The following ANKRD55 variants were observed in gnomAD, a reference collection of about 807,000 sequenced individuals.
The protein encoded by ANKRD55 is ankyrin repeat domain-containing protein 55.
A neutral mutation model predicts 60.6 loss-of-function variants in ANKRD55; 41 were observed. The ratio of observed to expected loss-of-function variants is 0.68; its 90% CI spans 0.53 to 0.88. The LOEUF (loss-of-function observed/expected upper bound fraction) is 0.88. Ranked by LOEUF, ANKRD55 falls within the 40% of genes least tolerant of loss-of-function variation. The pLI, the probability that ANKRD55 is intolerant of heterozygous loss-of-function variation, is 0.00. For missense variants in ANKRD55, 732 were observed against 767.6 expected, an observed-to-expected ratio of 0.95 and a Z score of 0.55; for synonymous variants, 264 against 290.3, an observed-to-expected ratio of 0.91 and a Z score of 0.92.
At chr5:56,125,012 C>T (rs1282201833) in intron 8 of ANKRD55, among the ~76,000 whole-genome samples, 1 of 151,968 alleles carries the variant, frequency 6.6e-6, no homozygotes, top group Admixed American at 6.6e-5. Context: ...CTTTTTTCCC[C>T]TTAGTTTTAC....
At chr5:56,176,314 A>G in intron 3 of ANKRD55, 32 bp from the exon 4 acceptor site, 1 of 1,613,710 alleles carries the variant, frequency 6.2e-7, no homozygotes, top group Non-Finnish European at 8.5e-7. Context: ...GCCTTTAAAC[A>G]TGTGTGACCC....
chr5:56,149,689 G>C (rs574870929), intron 6 of ANKRD55, among the ~76,000 whole-genome samples: 2 of 152,114 alleles, frequency 1.3e-5, no homozygotes, highest in South Asian at 2.1e-4. Flanking sequence ...GATCACCTTG[G>C]GAGGCTATAC....
At chr5:56,215,079 G>T (rs184085052) in intron 2 of ANKRD55, among the ~76,000 whole-genome samples, 85 of 152,162 alleles carry the variant, frequency 5.6e-4, no homozygotes, top group Admixed American at 5.0e-3. Flanking sequence ...AAGGCTGAAA[G>T]AATTCTTTTT....
intron 3 of ANKRD55, among the ~76,000 whole-genome samples, chr5:56,180,788 C>T (rs1280465853): frequency 6.6e-6 from 1 of 152,166 alleles, no homozygotes; most frequent in Non-Finnish European, 1.5e-5. Context: ...ATGTCTTGTA[C>T]CCTGTGACCT....
intron 4 of ANKRD55, 147 bp downstream of exon 4, chr5:56,176,005 G>T: frequency 9.5e-7 from 1 of 1,047,484 alleles, no homozygotes; most frequent in Non-Finnish European, 1.4e-6. Context: ...GGATATAAAC[G>T]TTGAAGATGA....
At chr5:56,127,670 T>C in intron 7 of ANKRD55, 7 of 624,566 alleles carry the variant, frequency 1.1e-5, no homozygotes, top group Non-Finnish European at 1.4e-5. Context: ...GAGGCTACAG[T>C]CTTGTATCAG....
At chr5:56,109,923 C>T (rs1756622566) in intron 10 of ANKRD55, among the ~76,000 whole-genome samples, 1 of 151,990 alleles carries the variant, frequency 6.6e-6, no homozygotes, top group Admixed American at 6.6e-5. Context: ...GAGGCTGAGG[C>T]AGGAGAATCG....
At position 56,183,555 on chromosome 5, in the gene ANKRD55, C is replaced by G. The variant is rs1443499349; in HGVS notation, c.138G>C (p.Val46=). The change falls in exon 3 of 12, where the codon GTG becomes GTC. Residue 46 remains valine (V), a synonymous_variant. Coordinates refer to ENST00000341048, the MANE Select transcript of ANKRD55 (RefSeq NM_024669.3). ...SNGDVNALTA[V]IREDPSILEC... The stretch of plus-strand genomic sequence containing the variant: ...CTAGGATAGAAGGGTCTTCCCGAAT[C>G]ACTGCAGTCAGAGCATTGACATCTC... 6.2e-7 allele frequency: 1 copy of G among 1,614,214 alleles called. No individual in the cohort carries two copies. Among genetic ancestry groups the G allele is most frequent in the East Asian group, 2.2e-5 (1 of 44,882 alleles).
intron 2 of ANKRD55, among the ~76,000 whole-genome samples, chr5:56,198,690 T>C (rs1561289125): frequency 6.6e-6 from 1 of 152,226 alleles, no homozygotes; most frequent in Admixed American, 6.5e-5. Context: ...TTCTTCTTTA[T>C]AGTAGGCCTG....
At chr5:56,201,095 T>C (rs571528403) in intron 2 of ANKRD55, among the ~76,000 whole-genome samples, 50 of 152,366 alleles carry the variant, frequency 3.3e-4, no homozygotes, top group African/African-American at 1.2e-3. Flanking sequence ...GGAGATATTA[T>C]GGCAGGACGG....
chr5:56,185,603 G>T (rs566345791), intron 2 of ANKRD55, among the ~76,000 whole-genome samples: 1 of 152,120 alleles, frequency 6.6e-6, no homozygotes, highest in East Asian at 1.9e-4. Context: ...GGGAGGTGGA[G>T]GTTGCGGTGA....
chr5:56,132,971 A>G (rs1251040674), intron 7 of ANKRD55, among the ~76,000 whole-genome samples: 2 of 152,248 alleles, frequency 1.3e-5, no homozygotes, highest in South Asian at 2.1e-4. Flanking sequence ...CCAAGAAGAC[A>G]TAACGATCCT....
At chr5:56,168,413 G>A (rs1197404382) in intron 5 of ANKRD55, among the ~76,000 whole-genome samples, 3 of 152,126 alleles carry the variant, frequency 2.0e-5, no homozygotes, top group Non-Finnish European at 4.4e-5. Flanking sequence ...GAGACAGCTC[G>A]GTTAACAAAT....
intron 6 of ANKRD55, among the ~76,000 whole-genome samples, chr5:56,150,390 G>C (rs1438095605): frequency 5.3e-5 from 8 of 151,542 alleles, no homozygotes; most frequent in Non-Finnish European, 1.2e-4. Flanking sequence ...CATAAATTTG[G>C]TCTTTAAAAT....
At chr5:56,168,686 G>T (rs769224677) in intron 5 of ANKRD55, among the ~76,000 whole-genome samples, 3 of 152,128 alleles carry the variant, frequency 2.0e-5, no homozygotes, top group Admixed American at 6.5e-5. Context: ...TCCCCTCCAG[G>T]GTGAGGGGAG....
At chr5:56,192,964 C>A in intron 2 of ANKRD55, 2 of 696,048 alleles carry the variant, frequency 2.9e-6, no homozygotes, top group Middle Eastern at 4.7e-4. Context: ...CCAAAGCAGG[C>A]AGAGATGAGC....
At chr5:56,104,982 C>T (rs1756411124) in intron 10 of ANKRD55, among the ~76,000 whole-genome samples, 1 of 152,126 alleles carries the variant, frequency 6.6e-6, no homozygotes. Flanking sequence ...ATGAGCTAAC[C>T]TCTCTGTCTC....
At chr5:56,126,222 C>T (rs114567158) in intron 8 of ANKRD55, among the ~76,000 whole-genome samples, 1 of 152,174 alleles carries the variant, frequency 6.6e-6, no homozygotes, top group Non-Finnish European at 1.5e-5. Context: ...GATAAAGAAA[C>T]CAGAGTGCTC....
Position 56,100,304 on chromosome 5 carries a change from A to G in ANKRD55, c.1724T>C (p.Phe575Ser). Residue 575 changes from phenylalanine (F) to serine (S), a missense_variant and splice_region_variant, in exon 12 of 12, where the codon TTT becomes TCT. This residue lies in a region of ANKRD55 where 597 missense variants were observed against 607.5 expected (regional missense o/e 0.98). Coordinates refer to ENST00000341048, the MANE Select transcript of ANKRD55 (RefSeq NM_024669.3). The stretch of plus-strand genomic sequence containing the variant: ...TGTCCGCAGAGGTTCTCCAGATAGA[A>G]CTGGGAAGAAAGAATAGAACAAGAG... The part of the protein sequence containing the change: ...NNLAPLPDQK[F>S]LSGEPLRTNR... 3 of 1,614,156 alleles carry G rather than the reference A, an allele frequency of 1.9e-6. No individual in the cohort carries two copies. The highest frequency in any genetic ancestry group is 8.5e-7 in the Non-Finnish European group (1 of 1,179,992).
Sources: gnomAD v4.1 joint callset for allele counts (sites outside exome capture counted in the v4.1 genomes callset) on GRCh38, gnomAD v4.1.1 for gene constraint, gnomAD v4.1.1 regional missense constraint, MANE v1.5 for transcripts, NCBI Gene and HGNC (gene_info 2026-07-23, HGNC 2026-07-21) for gene names.